PEBP4: variants seen among roughly 807,000 people sequenced by gnomAD.
The protein encoded by PEBP4 is phosphatidylethanolamine binding protein 4.
PEBP4 carries 22 observed loss-of-function variants against 23.9 expected under a neutral mutation model. That is an observed-to-expected ratio of 0.92 (90% CI 0.66 to 1.31). The LOEUF is 1.31. Ranked by LOEUF, PEBP4 falls within the 40% of genes most tolerant of loss-of-function variation. The probability of loss-of-function intolerance (pLI) is 0.00; values close to 1 mark genes in which losing one functional copy is unlikely to be tolerated. For synonymous variants in PEBP4, 112 were observed against 99.3 expected, an observed-to-expected ratio of 1.13 and a Z score of -0.76; for missense variants, 324 against 281.7, an observed-to-expected ratio of 1.15 and a Z score of -1.07.
intron 4 of PEBP4, among the ~76,000 whole-genome samples, chr8:22,729,480 G>C (rs1804687729): frequency 6.6e-6 from 1 of 152,260 alleles, no homozygotes; most frequent in South Asian, 2.1e-4. Flanking sequence ...AGTCAGATCA[G>C]GGAGCTGGTT....
At chr8:22,818,018 T>TGTGCTGA (rs1158913562) in intron 3 of PEBP4, among the ~76,000 whole-genome samples, 4 of 152,242 alleles carry the variant, frequency 2.6e-5, no homozygotes, top group Admixed American at 2.6e-4. Context: ...TTCTGAGCGC[T>TGTGCTGA]GTGCTGAGTG....
intron 4 of PEBP4, among the ~76,000 whole-genome samples, chr8:22,771,781 C>T (rs1805722384): frequency 1.3e-5 from 2 of 152,234 alleles, no homozygotes; most frequent in African/African-American, 4.8e-5. Flanking sequence ...CTGCCCCTTT[C>T]CATGGCAATG....
At chr8:22,769,626 G>A (rs2128753846) in intron 4 of PEBP4, among the ~76,000 whole-genome samples, 1 of 152,080 alleles carries the variant, frequency 6.6e-6, no homozygotes, top group African/African-American at 2.4e-5. Flanking sequence ...CCACCCGAAT[G>A]CCTCTTCTCT....
chr8:22,772,225 T>A (rs1805729984), intron 4 of PEBP4, among the ~76,000 whole-genome samples: 1 of 152,198 alleles, frequency 6.6e-6, no homozygotes, highest in Non-Finnish European at 1.5e-5. Context: ...CTTAATGCAA[T>A]TAAGTAACTT....
At chr8:22,792,592 T>C (rs1459568863) in intron 4 of PEBP4, among the ~76,000 whole-genome samples, 2 of 152,152 alleles carry the variant, frequency 1.3e-5, no homozygotes, top group South Asian at 4.1e-4. Context: ...ACCTTCTGTG[T>C]GATTCACCCA....
At chr8:22,937,916 C>T (rs1809561189) in intron 1 of PEBP4, among the ~76,000 whole-genome samples, 2 of 151,946 alleles carry the variant, frequency 1.3e-5, no homozygotes, top group Admixed American at 6.6e-5. Flanking sequence ...TTGCTTTACA[C>T]CAGATATAAA....
intron 3 of PEBP4, among the ~76,000 whole-genome samples, chr8:22,897,467 G>T (rs1808611574): frequency 6.6e-6 from 1 of 152,146 alleles, no homozygotes; most frequent in African/African-American, 2.4e-5. Context: ...GCTTATCTCT[G>T]CCATTTGACT....
intron 1 of PEBP4, among the ~76,000 whole-genome samples, chr8:22,938,105 T>G (rs762752585): frequency 1.1e-4 from 17 of 152,186 alleles, no homozygotes; most frequent in Middle Eastern, 3.4e-3. Context: ...GGAAAACTTT[T>G]GGGCATCAAA....
At chr8:22,779,530 A>G (rs1218981281) in intron 4 of PEBP4, among the ~76,000 whole-genome samples, 2 of 152,048 alleles carry the variant, frequency 1.3e-5, no homozygotes, top group African/African-American at 4.8e-5. Context: ...CCCCCATTAT[A>G]TGGAGAGACA....
intron 4 of PEBP4, among the ~76,000 whole-genome samples, chr8:22,756,211 G>T (rs760601905): frequency 3.9e-5 from 6 of 152,200 alleles, no homozygotes; most frequent in Non-Finnish European, 8.8e-5. Context: ...ACTCAGGCAG[G>T]AGCTGAACAG....
intron 4 of PEBP4, among the ~76,000 whole-genome samples, chr8:22,816,419 C>T (rs1270547627): frequency 6.6e-6 from 1 of 152,238 alleles, no homozygotes; most frequent in Admixed American, 6.5e-5. Context: ...CCTACTCCCA[C>T]CCAGTGGCTG....
chr8:22,913,158 A>T (rs1199999688), intron 3 of PEBP4, among the ~76,000 whole-genome samples: 1 of 152,202 alleles, frequency 6.6e-6, no homozygotes, highest in Non-Finnish European at 1.5e-5. Context: ...GTGGCATCTC[A>T]TGAATTCTTC....
intron 6 of PEBP4, among the ~76,000 whole-genome samples, chr8:22,718,846 C>G (rs1398606260): frequency 6.6e-6 from 1 of 152,154 alleles, no homozygotes; most frequent in Non-Finnish European, 1.5e-5. Flanking sequence ...GGCCTCTTCC[C>G]TCCATGCTTC....
At chr8:22,811,668 C>G (rs1392689885) in intron 4 of PEBP4, among the ~76,000 whole-genome samples, 1 of 152,188 alleles carries the variant, frequency 6.6e-6, no homozygotes, top group Non-Finnish European at 1.5e-5. Context: ...GGAGTCTGCT[C>G]TGGTTCAGGA....
intron 4 of PEBP4, among the ~76,000 whole-genome samples, chr8:22,786,601 CCTGT>C (rs1389215445): frequency 1.3e-5 from 2 of 152,012 alleles, no homozygotes; most frequent in African/African-American, 2.4e-5. Context: ...ATTTTGAAAC[CCTGT>C]CTATTAGTGG....
intron 6 of PEBP4, among the ~76,000 whole-genome samples, chr8:22,715,260 G>A (rs755725267): frequency 2.4e-4 from 37 of 152,310 alleles, no homozygotes; most frequent in African/African-American, 7.5e-4. Flanking sequence ...GACTGCAGCC[G>A]GGTTCTCCTA....
chr8:22,801,550 G>T (rs1158959627), intron 4 of PEBP4, among the ~76,000 whole-genome samples: 1 of 152,174 alleles, frequency 6.6e-6, no homozygotes, highest in Non-Finnish European at 1.5e-5. Flanking sequence ...TAGCGTCAGG[G>T]ACCCTGGCCT....
intron 4 of PEBP4, among the ~76,000 whole-genome samples, chr8:22,740,982 G>A (rs949213612): frequency 6.6e-6 from 1 of 152,292 alleles, no homozygotes; most frequent in South Asian, 2.1e-4. Context: ...CCTACGTGAG[G>A]AGGGAGGGTT....
At chr8:22,840,037 T>A (rs1807289969) in intron 3 of PEBP4, among the ~76,000 whole-genome samples, 1 of 152,212 alleles carries the variant, frequency 6.6e-6, no homozygotes, top group Non-Finnish European at 1.5e-5. Flanking sequence ...CTGCTGTAAA[T>A]AAGACATTTG....
Sources: gnomAD v4.1 joint callset for allele counts (sites outside exome capture counted in the v4.1 genomes callset) on GRCh38, gnomAD v4.1.1 for gene constraint, MANE v1.5 for transcripts, NCBI Gene and HGNC (gene_info 2026-07-23, HGNC 2026-07-21) for gene names.